The following PCDHGA7 variants were observed in gnomAD, a reference collection of about 807,000 sequenced individuals.
The protein encoded by PCDHGA7 is protocadherin gamma subfamily A, 7.
PCDHGA7 carries 44 observed loss-of-function variants against 58.3 expected under a neutral mutation model. That is an observed-to-expected ratio of 0.75 (90% CI 0.59 to 0.97). PCDHGA7 has a LOEUF of 0.97. Ranked by LOEUF, PCDHGA7 falls within the 50% of genes least tolerant of loss-of-function variation. PCDHGA7 has a pLI of 0.00. For missense variants in PCDHGA7, 1,266 were observed against 1,188.7 expected (o/e 1.06, Z -0.96); for synonymous variants, 516 against 504.2 (o/e 1.02, Z -0.31).
rs149920059 is a variant in PCDHGA7 at position 141,409,848 on chromosome 5, G to A, written c.2424+24525G>A. 8,006 of 1,612,024 alleles carry A rather than the reference G, an allele frequency of 5.0e-3. 45 individuals are homozygous for A. The highest frequency in any genetic ancestry group is 9.5e-3 in the Admixed American group (567 of 59,794). On this transcript the variant is annotated intron_variant, in intron 1 of 3. Transcript: ENST00000518325. ...ACGCTCAGCGCCAACGTGAGCCTGC[G>A]CGTGTTGGTGGGAGACCGCAATGAC... is the stretch of plus-strand genomic sequence containing the variant.
At chr5:141,394,968 T>C in intron 1 of PCDHGA7, 1 of 1,613,938 alleles carries the variant, frequency 6.2e-7, no homozygotes, top group Non-Finnish European at 8.5e-7. Context: ...GCTGAGGCGC[T>C]GGCACAAGTC....
chr5:141,487,824 C>A lies in PCDHGA7; in HGVS notation c.2425-6983C>A. The stretch of plus-strand genomic sequence containing the variant: ...TCACAGTTTAGCATTGGGGGCGGGT[C>A]ATGCCTATATCTGAGTAAGAAATGA... On this transcript the variant is annotated intron_variant, in intron 1 of 3. Coordinates refer to ENST00000518325, the MANE Select transcript of PCDHGA7 (RefSeq NM_018920.4). This position sits in a 1 kb window ranked among gnomAD's most constrained non-coding sequence, Gnocchi z 5.0. 2 of 1,247,252 alleles carry A rather than the reference C, an allele frequency of 1.6e-6. No individual in the cohort carries two copies. The highest frequency in any genetic ancestry group is 2.9e-5 in the South Asian group (2 of 68,154). The allele number at this position is 1,247,252 out of a possible 1,614,324, so 77.3% of individuals were successfully genotyped here. A position where few individuals can be genotyped will look rare whatever the true frequency, so the allele number is the denominator to read the frequency against.
Position 141,404,868 on chromosome 5 carries a change from A to G in PCDHGA7, c.2424+19545A>G, listed in dbSNP as rs375122600. On this transcript the variant is annotated intron_variant, in intron 1 of 3. Coordinates refer to ENST00000518325, the MANE Select transcript of PCDHGA7 (RefSeq NM_018920.4). Reference sequence around the variant, plus strand: ...GCCCTGCTAGATAGAGATGCGCTCAAACAGAGCCTTGTGGTGGCTGTACAG... The same window carrying G: ...GCCCTGCTAGATAGAGATGCGCTCAGACAGAGCCTTGTGGTGGCTGTACAG... 5.1e-5 allele frequency: 83 copies of G among 1,613,770 alleles called. 1 individual carries two copies. The highest frequency in any genetic ancestry group is 6.9e-5 in the Non-Finnish European group (81 of 1,179,896).
chr5:141,483,648 T>TTG (rs111458813), intron 1 of PCDHGA7, among the ~76,000 whole-genome samples: 1,883 of 149,700 alleles, frequency 0.013, 19 homozygotes, highest in African/African-American at 0.023. Flanking sequence ...GGGTGTGTGT[T>TTG]TGTGTGTGTG....
intron 1 of PCDHGA7, among the ~76,000 whole-genome samples, chr5:141,482,089 C>CAA (rs36035257): frequency 1.0e-3 from 137 of 134,516 alleles, no homozygotes; most frequent in African/African-American, 1.5e-3. Context: ...CACTCCATCT[C>CAA]AAAAAAAAAA....
At chr5:141,388,364 G>A (rs749994962) in intron 1 of PCDHGA7, 12 of 1,613,846 alleles carry the variant, frequency 7.4e-6, no homozygotes, top group Middle Eastern at 1.6e-4. Context: ...CCCATGATGC[G>A]GATATTGGTA....
intron 1 of PCDHGA7, among the ~76,000 whole-genome samples, chr5:141,442,700 TA>T (rs2098337605): frequency 6.6e-6 from 1 of 152,198 alleles, no homozygotes; most frequent in Non-Finnish European, 1.5e-5. Flanking sequence ...CAGACAAGAG[TA>T]TCAGACATGC....
At chr5:141,423,210 C>T in intron 1 of PCDHGA7, 2 of 1,613,696 alleles carry the variant, frequency 1.2e-6, no homozygotes, top group Non-Finnish European at 1.7e-6. Flanking sequence ...CCGTCACGCT[C>T]ACCGTGGCTG....
rs911465424 is a variant in PCDHGA7 at position 141,449,724 on chromosome 5, AT to A, written c.2425-45076del. ...AAACACATTATTTTTATATGATATG[AT>A]TTTTTTATGACATGATTATTTTTAT... On this transcript the variant is annotated intron_variant, in intron 1 of 3. Coordinates refer to ENST00000518325, the MANE Select transcript of PCDHGA7 (RefSeq NM_018920.4). 1.2e-4 allele frequency among the ~76,000 whole-genome samples: 18 copies of A among 151,282 alleles called. No homozygotes were observed. The South Asian group carries it at 1.9e-3, about 16-fold the overall frequency.
chr5:141,401,458 A>T (rs1470076616), intron 1 of PCDHGA7, among the ~76,000 whole-genome samples: 1 of 152,186 alleles, frequency 6.6e-6, no homozygotes, highest in Non-Finnish European at 1.5e-5. Context: ...CATCCAAATA[A>T]TTTTCTAAGT....
rs775898365 is a variant in PCDHGA7 at position 141,476,425 on chromosome 5, T to C, written c.2425-18382T>C. On this transcript the variant is annotated intron_variant, in intron 1 of 3. Transcript: ENST00000518325. This position sits in a 1 kb window ranked among gnomAD's most constrained non-coding sequence, Gnocchi z 7.6. ...AGGAGCTGTGTGGGACACTGCCCTC[T>C]TGCACTGTAACTCTGGAGTTGGTAG... is the stretch of plus-strand genomic sequence containing the variant. The C allele has an allele frequency of 1.2e-6, 2 of 1,614,108 alleles. No homozygotes were observed. Among genetic ancestry groups the C allele is most frequent in the East Asian group, 4.5e-5 (2 of 44,848 alleles).
In PCDHGA7 at chr5:141,510,983, C is replaced by T; in HGVS notation, c.2609C>T (p.Ala870Val). The change falls in exon 4 of 4, where the codon GCC becomes GTC. Residue 870 changes from alanine to valine, a missense_variant. Transcript: ENST00000518325. The stretch of plus-strand genomic sequence containing the variant: ...GGGAGCTCCACCCTGGGAGGGGGTG[C>T]CGGCACCATGGGATTGAGCGCCCGC... ...ADGSSTLGGG[A>V]GTMGLSARYG... The T allele has an allele frequency of 6.2e-7, 1 of 1,614,162 alleles. No homozygotes were observed. The highest frequency in any genetic ancestry group is 8.5e-7 in the Non-Finnish European group (1 of 1,180,012).
At chr5:141,471,492 G>A (rs912591449) in intron 1 of PCDHGA7, 1 of 152,176 alleles carries the variant, frequency 6.6e-6, no homozygotes, top group Non-Finnish European at 1.5e-5. Context: ...GGAATTTAGG[G>A]AATGCAAGAG....
At chr5:141,433,847 A>AAAAAAAC (rs1296633381) in intron 1 of PCDHGA7, among the ~76,000 whole-genome samples, 1 of 151,976 alleles carries the variant, frequency 6.6e-6, no homozygotes, top group Non-Finnish European at 1.5e-5. Flanking sequence ...CAAAAAAAAA[A>AAAAAAAC]AAAAAAAACT....
At chr5:141,387,837 T>G (rs2091115137) in intron 1 of PCDHGA7, 1 of 1,597,490 alleles carries the variant, frequency 6.3e-7, no homozygotes, top group African/African-American at 1.3e-5. Flanking sequence ...AGGTTATTTG[T>G]AACCCGGCGT....
At chr5:141,443,683 A>C (rs1358937790) in intron 1 of PCDHGA7, among the ~76,000 whole-genome samples, 1 of 152,248 alleles carries the variant, frequency 6.6e-6, no homozygotes, top group Admixed American at 6.5e-5. Flanking sequence ...GTTTACAAAC[A>C]CTTCAAAAAT....
At chr5:141,414,009 T>C in intron 1 of PCDHGA7, 1 of 1,612,964 alleles carries the variant, frequency 6.2e-7, no homozygotes, top group Middle Eastern at 1.7e-4. Context: ...AAGGTGCCAA[T>C]GGAGAAGTGA....
At chr5:141,443,872 A>C (rs1446612063) in intron 1 of PCDHGA7, among the ~76,000 whole-genome samples, 4 of 152,212 alleles carry the variant, frequency 2.6e-5, no homozygotes, top group African/African-American at 9.7e-5. Flanking sequence ...AAAATTACTG[A>C]TAAGTCAAGA....
At chr5:141,405,240 C>G (rs2094630274) in intron 1 of PCDHGA7, 4 of 1,614,136 alleles carry the variant, frequency 2.5e-6, no homozygotes, top group African/African-American at 2.7e-5. Context: ...ACCGCTGACT[C>G]AAGGAAGAGT....
Sources: gnomAD v4.1 joint callset for allele counts (sites outside exome capture counted in the v4.1 genomes callset) on GRCh38, gnomAD v4.1.1 for gene constraint, Gnocchi (gnomAD v3.1) non-coding constraint, MANE v1.5 for transcripts, NCBI Gene and HGNC (gene_info 2026-07-23, HGNC 2026-07-21) for gene names.